The following SLC44A3 variants were observed in gnomAD, a reference collection of about 807,000 sequenced individuals.
SLC44A3 encodes the protein solute carrier family 44 member 3.
SLC44A3 carries 74 observed loss-of-function variants against 75.4 expected under a neutral mutation model. The observed-to-expected ratio is 0.98, with a 90% confidence interval of 0.81 to 1.19. SLC44A3 has a LOEUF of 1.19. SLC44A3 is among the 50% of genes most tolerant of loss of function. The probability of loss-of-function intolerance (pLI) is 0.00; values close to 1 mark genes in which losing one functional copy is unlikely to be tolerated. For missense variants in SLC44A3, 700 were observed against 778.6 expected (o/e 0.90, Z 1.20); for synonymous variants, 310 against 296.9 (o/e 1.04, Z -0.45).
intron 5 of SLC44A3, among the ~76,000 whole-genome samples, chr1:94,830,118 T>C (rs1307803464): frequency 6.6e-6 from 1 of 152,262 alleles, no homozygotes; most frequent in Non-Finnish European, 1.5e-5. Flanking sequence ...AATAGCCATT[T>C]TGTGATATTC....
intron 12 of SLC44A3, among the ~76,000 whole-genome samples, chr1:94,880,147 A>G (rs570754585): frequency 2.6e-5 from 4 of 152,224 alleles, no homozygotes; most frequent in Non-Finnish European, 5.9e-5. Context: ...CTATAATACT[A>G]TATGATCCAA....
At chr1:94,894,586 C>T (rs1351831480) in intron 14 of SLC44A3, among the ~76,000 whole-genome samples, 1 of 140,034 alleles carries the variant, frequency 7.1e-6, no homozygotes, top group African/African-American at 3.0e-5. Context: ...TAAAATCATC[C>T]ACACTTCCCC....
intron 12 of SLC44A3, among the ~76,000 whole-genome samples, chr1:94,869,064 G>A (rs1311483279): frequency 6.6e-6 from 1 of 152,258 alleles, no homozygotes; most frequent in East Asian, 1.9e-4. Context: ...GAGTGTGGGA[G>A]TGTACTGAAG....
chr1:94,878,123 A>C (rs1374579987), intron 12 of SLC44A3, among the ~76,000 whole-genome samples: 1 of 151,840 alleles, frequency 6.6e-6, no homozygotes, highest in Admixed American at 6.6e-5. Flanking sequence ...AGTCCCAGCT[A>C]CTCGGGAGGC....
intron 12 of SLC44A3, among the ~76,000 whole-genome samples, chr1:94,882,352 G>A (rs557643468): frequency 2.6e-5 from 4 of 152,242 alleles, no homozygotes; most frequent in East Asian, 1.9e-4. Flanking sequence ...AGGGAGTGGC[G>A]CTCACTAATA....
intron 12 of SLC44A3, among the ~76,000 whole-genome samples, chr1:94,875,358 C>G (rs1668163205): frequency 6.6e-6 from 1 of 152,214 alleles, no homozygotes; most frequent in Non-Finnish European, 1.5e-5. Flanking sequence ...GGTAGGGACT[C>G]AGAAGCCCAG....
At chr1:94,845,573 G>A (rs1664301005) in intron 9 of SLC44A3, 109 bp downstream of exon 9, 4 of 1,068,434 alleles carry the variant, frequency 3.7e-6, no homozygotes, top group African/African-American at 3.2e-5. Context: ...TGAGCCAGAG[G>A]TGTCTGATGA....
intron 10 of SLC44A3, among the ~76,000 whole-genome samples, chr1:94,860,106 A>C (rs1255445282): frequency 6.6e-6 from 1 of 152,236 alleles, no homozygotes; most frequent in Non-Finnish European, 1.5e-5. Flanking sequence ...CAAAATGAAC[A>C]AATAAAATGA....
At position 94,837,002 on chromosome 1, in the gene SLC44A3, A is replaced by G. The variant is rs1662918608; in HGVS notation, c.510-709A>G. ...CACAGAGTAGTATTTAGCCTTAAAA[A>G]AAGAAGAGATCCTGCTATTTGCAAC... On this transcript the variant is annotated intron_variant, in intron 5 of 14. Coordinates refer to ENST00000271227, the MANE Select transcript of SLC44A3 (RefSeq NM_001114106.3). 2 of 152,188 alleles carry G rather than the reference A, an allele frequency of 1.3e-5. 1 individual carries two copies. Among genetic ancestry groups the G allele is most frequent in the South Asian group, 4.1e-4 (2 of 4,834 alleles). 9.4% of individuals were successfully genotyped at this position (152,188 alleles called of 1,614,324 possible).
intron 12 of SLC44A3, among the ~76,000 whole-genome samples, chr1:94,885,253 G>C (rs903514364): frequency 1.7e-4 from 23 of 131,880 alleles, no homozygotes; most frequent in African/African-American, 6.5e-4. Flanking sequence ...AGAGGCAGCA[G>C]GGAATAATAC....
chr1:94,862,937 G>A (rs1199776632), intron 10 of SLC44A3, among the ~76,000 whole-genome samples: 1 of 152,230 alleles, frequency 6.6e-6, no homozygotes, highest in Non-Finnish European at 1.5e-5. Flanking sequence ...TTGGCTGGTT[G>A]TGAGGGAGAC....
chr1:94,832,739 C>G lies in SLC44A3; in HGVS notation c.509+4153C>G, dbSNP rs144287706. ...CTGCAATCCCAACATTTTGGGAGGC[C>G]AGGGCTGTAGGATTGCTTGAGGCCA... On this transcript the variant is annotated intron_variant, in intron 5 of 14. Transcript: ENST00000271227. Among the ~76,000 whole-genome samples, 261 of 152,286 alleles carry G rather than the reference C, an allele frequency of 1.7e-3. 3 individuals are homozygous for G. The highest frequency in any genetic ancestry group is 5.3e-3 in the African/African-American group (220 of 41,554).
intron 12 of SLC44A3, among the ~76,000 whole-genome samples, chr1:94,877,404 C>G (rs921320797): frequency 6.6e-6 from 1 of 152,140 alleles, no homozygotes; most frequent in African/African-American, 2.4e-5. Context: ...CCCCACCTGG[C>G]CCCCTAACCT....
intron 12 of SLC44A3, among the ~76,000 whole-genome samples, chr1:94,877,666 T>C (rs1454586016): frequency 6.6e-6 from 1 of 152,134 alleles, no homozygotes; most frequent in Non-Finnish European, 1.5e-5. Flanking sequence ...AGCTTTCTTA[T>C]CTAGGTGGGG....
At chr1:94,857,994 A>T (rs571660900) in intron 10 of SLC44A3, among the ~76,000 whole-genome samples, 2 of 152,066 alleles carry the variant, frequency 1.3e-5, no homozygotes, top group East Asian at 3.9e-4. Flanking sequence ...TTGTATTTTT[A>T]GTAGAGACAG....
intron 12 of SLC44A3, among the ~76,000 whole-genome samples, chr1:94,885,240 A>AAAAAAAAAAAAC: frequency 6.6e-6 from 1 of 151,574 alleles, no homozygotes; most frequent in African/African-American, 2.4e-5. Flanking sequence ...AAAAAAAAAA[A>AAAAAAAAAAAAC]AAAGAGGCAG....
intron 10 of SLC44A3, among the ~76,000 whole-genome samples, chr1:94,859,918 G>A (rs1395649071): frequency 6.6e-6 from 1 of 152,146 alleles, no homozygotes; most frequent in Non-Finnish European, 1.5e-5. Flanking sequence ...AGTGCCATAT[G>A]GGGTCCCCCA....
chr1:94,894,725 G>A lies in SLC44A3; in HGVS notation c.1858-93G>A, dbSNP rs186231336. ...TTGTAAGTTAATTCTTCAGCAAACC[G>A]TCAGAGGGCAAAGGAGAAGTTTTCC... On this transcript the variant is annotated intron_variant, in intron 14 of 14. Transcript: ENST00000271227. 1,776 of 1,005,682 alleles carry A rather than the reference G, an allele frequency of 1.8e-3. 36 individuals carry two copies. In the Admixed American group the frequency reaches 0.031, roughly 17 times the overall value. The allele number at this position is 1,005,682 out of a possible 1,614,324, so 62.3% of individuals were successfully genotyped here. A position where few individuals can be genotyped will look rare whatever the true frequency, so the allele number is the denominator to read the frequency against.
chr1:94,851,584 G>C (rs1665220712), intron 9 of SLC44A3, among the ~76,000 whole-genome samples: 2 of 152,230 alleles, frequency 1.3e-5, no homozygotes, highest in Admixed American at 1.3e-4. Context: ...TGCTGACCCA[G>C]GGAATAACAT....
Sources: allele counts gnomAD v4.1 joint callset (sites outside exome capture counted in the v4.1 genomes callset), GRCh38; gene constraint gnomAD v4.1.1; transcripts MANE v1.5; gene names NCBI Gene and HGNC (gene_info 2026-07-23, HGNC 2026-07-21).